The following DSCAML1 variants were observed in gnomAD, a reference collection of about 807,000 sequenced individuals.
The protein encoded by DSCAML1 is DS cell adhesion molecule like 1.
In DSCAML1, 38 loss-of-function variants were observed where a neutral mutation model predicts 200.5. The ratio of observed to expected loss-of-function variants is 0.19; its 90% CI spans 0.15 to 0.25. The LOEUF is 0.25. DSCAML1 is among the 10% of genes least tolerant of loss of function. The pLI is 1.00. For missense variants in DSCAML1, 2,223 were observed against 2,858.8 expected (o/e 0.78, Z 5.07); for synonymous variants, 1,215 against 1,165.0 (o/e 1.04, Z -0.87).
chr11:117,600,527 T>C (rs904909707), intron 3 of DSCAML1, among the ~76,000 whole-genome samples: 13 of 152,040 alleles, frequency 8.6e-5, no homozygotes, highest in Admixed American at 8.5e-4. Context: ...CCAGGGGCCA[T>C]TTGAGTCCAT....
chr11:117,782,586 G>C (rs1234708444), intron 1 of DSCAML1, among the ~76,000 whole-genome samples: 1 of 152,200 alleles, frequency 6.6e-6, no homozygotes, highest in Non-Finnish European at 1.5e-5. Flanking sequence ...GCTGTGGCTG[G>C]AGTGTTCCCC....
chr11:117,557,512 C>A (rs1462131514), intron 3 of DSCAML1, among the ~76,000 whole-genome samples: 1 of 152,222 alleles, frequency 6.6e-6, no homozygotes, highest in African/African-American at 2.4e-5. Context: ...CTCACTCGAG[C>A]CCCTCTTCCT....
At chr11:117,815,252 C>T (rs1236516957) in intron 1 of DSCAML1, among the ~76,000 whole-genome samples, 1 of 152,210 alleles carries the variant, frequency 6.6e-6, no homozygotes, top group Non-Finnish European at 1.5e-5. Context: ...ACCCCTTCCC[C>T]TGAAAAGTCA....
At chr11:117,559,798 C>A (rs2137411657) in intron 3 of DSCAML1, among the ~76,000 whole-genome samples, 1 of 152,148 alleles carries the variant, frequency 6.6e-6, no homozygotes, top group African/African-American at 2.4e-5. Context: ...ACAGAGAGAC[C>A]CTCGCCCAGG....
rs78272912 is a variant in DSCAML1, at chr11:117,749,118, C to A, written c.511+27673G>T. On this transcript the variant is annotated intron_variant, in intron 3 of 32. Transcript: ENST00000651296. ...TCATTCCCAGAGAGGATGCAGAGGA[C>A]GAAAGGATGAGGCCCAGAACTACCA... Among the ~76,000 whole-genome samples, 183 of 152,282 alleles carry A rather than the reference C, an allele frequency of 1.2e-3. 1 individual carries two copies. In the East Asian group the frequency reaches 0.03, roughly 25 times the overall value.
At chr11:117,734,650 G>A (rs556863049) in intron 3 of DSCAML1, among the ~76,000 whole-genome samples, 15 of 152,312 alleles carry the variant, frequency 9.8e-5, no homozygotes, top group African/African-American at 3.4e-4. Context: ...GTGATTGCTT[G>A]GCATCTGTTT....
At chr11:117,573,159 T>G (rs902337303) in intron 3 of DSCAML1, among the ~76,000 whole-genome samples, 2 of 152,154 alleles carry the variant, frequency 1.3e-5, no homozygotes, top group African/African-American at 4.8e-5. Flanking sequence ...TGTCGTGCAT[T>G]CAGAAGGTGA....
intron 1 of DSCAML1, among the ~76,000 whole-genome samples, chr11:117,807,569 G>A (rs780049474): frequency 7.2e-5 from 11 of 152,204 alleles, no homozygotes; most frequent in Admixed American, 1.3e-4. Context: ...ACAGAACACC[G>A]ACCCTGCAGC....
At chr11:117,508,122 C>T (rs1024623483) in intron 8 of DSCAML1, among the ~76,000 whole-genome samples, 3 of 152,256 alleles carry the variant, frequency 2.0e-5, no homozygotes, top group Non-Finnish European at 4.4e-5. Flanking sequence ...CAGTTTGTTT[C>T]CTTAGGCCTA....
At position 117,481,234 on chromosome 11, in the gene DSCAML1, T is replaced by C. The variant is rs1404723044; in HGVS notation, c.2596A>G (p.Ser866Gly). Residue 866 changes from serine (S) to glycine (G), a missense_variant, in exon 13 of 33, where the codon AGC becomes GGC. Coordinates refer to ENST00000651296, the MANE Select transcript of DSCAML1 (RefSeq NM_020693.4). ...CCATACGAGTTGATGGCATGGCAGC[T>C]GAAGAACACAGAGTCCCCACGGTCA... ...PADRGDSVFF[S>G]CHAINSYGED... 2.5e-6 allele frequency: 4 copies of C among 1,613,748 alleles called. No individual in the cohort carries two copies. The highest frequency in any genetic ancestry group is 3.4e-6 in the Non-Finnish European group (4 of 1,179,964).
chr11:117,612,648 C>A (rs897353090), intron 3 of DSCAML1, among the ~76,000 whole-genome samples: 2 of 152,344 alleles, frequency 1.3e-5, no homozygotes, highest in East Asian at 3.9e-4. Flanking sequence ...CAGCCCTCCC[C>A]AGCCAGTGAG....
intron 3 of DSCAML1, among the ~76,000 whole-genome samples, chr11:117,763,667 A>G (rs574708367): frequency 8.0e-5 from 12 of 150,706 alleles, no homozygotes; most frequent in Non-Finnish European, 1.3e-4. Context: ...GAGTTCACTG[A>G]CACAGCCTCC....
chr11:117,570,525 C>T (rs531776296), intron 3 of DSCAML1, among the ~76,000 whole-genome samples: 1 of 152,256 alleles, frequency 6.6e-6, no homozygotes, highest in South Asian at 2.1e-4. Flanking sequence ...GTGTCTTATT[C>T]ACCACTTATT....
chr11:117,673,868 C>G (rs1037766737), intron 3 of DSCAML1, among the ~76,000 whole-genome samples: 1 of 152,208 alleles, frequency 6.6e-6, no homozygotes, highest in Non-Finnish European at 1.5e-5. Flanking sequence ...TTTAGGCTGC[C>G]CTGGAACTCA....
rs373204065 is a variant in DSCAML1 at position 117,581,976 on chromosome 11, C to G, written c.512-49454G>C. ...TAAAGACCCATACCAGATCCCTAGG[C>G]ACAGCTTCCTGTAAGGAGCACACCA... is the stretch of plus-strand genomic sequence containing the variant. On this transcript the variant is annotated intron_variant, in intron 3 of 32. Coordinates refer to ENST00000651296, the MANE Select transcript of DSCAML1 (RefSeq NM_020693.4). Among the ~76,000 whole-genome samples, 13 of 152,294 alleles carry G rather than the reference C, an allele frequency of 8.5e-5. No homozygotes were observed. In the East Asian group the frequency reaches 1.5e-3, roughly 18 times the overall value.
chr11:117,674,923 A>G (rs1477104961), intron 3 of DSCAML1, among the ~76,000 whole-genome samples: 2 of 152,126 alleles, frequency 1.3e-5, no homozygotes, highest in African/African-American at 4.8e-5. Context: ...ACATGGAATG[A>G]TCTGGGTGGG....
chr11:117,805,950 G>A (rs929326347), intron 1 of DSCAML1, among the ~76,000 whole-genome samples: 1 of 152,198 alleles, frequency 6.6e-6, no homozygotes, highest in Non-Finnish European at 1.5e-5. Context: ...GGTGAAGGGC[G>A]TCCCAGGTCA....
chr11:117,807,070 C>T (rs1044628988), intron 1 of DSCAML1, among the ~76,000 whole-genome samples: 11 of 152,228 alleles, frequency 7.2e-5, no homozygotes, highest in Non-Finnish European at 1.3e-4. Flanking sequence ...GGCCGGGGCA[C>T]CCGCTTCCCC....
intron 3 of DSCAML1, among the ~76,000 whole-genome samples, chr11:117,767,325 T>C (rs556053996): frequency 2.6e-5 from 4 of 152,176 alleles, no homozygotes; most frequent in Admixed American, 2.0e-4. Context: ...ACGGACTACA[T>C]AGGGCACCTG....
Sources: gnomAD v4.1 joint callset for allele counts (sites outside exome capture counted in the v4.1 genomes callset) on GRCh38, gnomAD v4.1.1 for gene constraint, MANE v1.5 for transcripts, NCBI Gene and HGNC (gene_info 2026-07-23, HGNC 2026-07-21) for gene names.